The following QRSL1 variants were observed in gnomAD, a reference collection of about 807,000 sequenced individuals.
The protein encoded by QRSL1 is glutamyl-tRNA(Gln) amidotransferase subunit A, mitochondrial.
In QRSL1, 54 loss-of-function variants were observed where a neutral mutation model predicts 61.6. The ratio of observed to expected loss-of-function variants is 0.88; its 90% CI spans 0.70 to 1.10. QRSL1 has a LOEUF of 1.10. Among genes scored for constraint, QRSL1 ranks in the 50% least tolerant of loss-of-function variants. The pLI, the probability that QRSL1 is intolerant of heterozygous loss-of-function variation, is 0.00. For synonymous variants in QRSL1, 228 were observed against 225.7 expected (o/e 1.01, Z -0.09); for missense variants, 505 against 622.6 (o/e 0.81, Z 2.01).
intron 1 of QRSL1, 24 bp downstream of exon 1, chr6:106,629,729 GC>G: frequency 6.3e-7 from 1 of 1,597,730 alleles, no homozygotes; most frequent in Admixed American, 1.7e-5. Context: ...GCCCGCTGAG[GC>G]CCCCGGGAGG....
chr6:106,647,685 C>G (rs1359149507), intron 4 of QRSL1, among the ~76,000 whole-genome samples: 2 of 111,084 alleles, frequency 1.8e-5, no homozygotes, highest in Non-Finnish European at 1.7e-5. Context: ...GAGTCTCGCT[C>G]TGTCACCCAG....
At chr6:106,641,200 T>C (rs1413863907) in intron 3 of QRSL1, among the ~76,000 whole-genome samples, 1 of 152,204 alleles carries the variant, frequency 6.6e-6, no homozygotes, top group East Asian at 1.9e-4. Context: ...GGTGCATACC[T>C]GTAGTCCCAG....
rs1554202462 is a variant in QRSL1, at chr6:106,666,004, CAT to C, written c.*5_*6del. The C allele has an allele frequency of 1.2e-6, 2 of 1,611,894 alleles. No individual in the cohort carries two copies. Among genetic ancestry groups the C allele is most frequent in the African/African-American group, 2.7e-5 (2 of 74,994 alleles). The stretch of plus-strand genomic sequence containing the variant: ...GCCTCTGTCTCTCTAAAACAGTAAA[CAT>C]ATCTTACAAATTAAAATGACTTTTA... On this transcript the variant is annotated 3_prime_UTR_variant, in exon 11 of 11. Transcript: ENST00000369046.
At position 106,640,406 on chromosome 6, in the gene QRSL1, C is replaced by T. The variant is rs751267365; in HGVS notation, c.82C>T (p.Leu28Phe). The change falls in exon 2 of 11, where the codon CTC becomes TTC. Residue 28 changes from leucine (L) to phenylalanine (F), a missense_variant. Leu to Phe is a conservative substitution (Grantham distance 22). Coordinates refer to ENST00000369046, the MANE Select transcript of QRSL1 (RefSeq NM_018292.5). ...ITPTELCQKC[L>F]SLIKKTKFLN... Reference sequence around the variant, plus strand: ...ACCAACAGAGCTCTGTCAAAAATGTCTCTCTCTTATCAAGAAGACCAAGTT... The same window carrying T: ...ACCAACAGAGCTCTGTCAAAAATGTTTCTCTCTTATCAAGAAGACCAAGTT... The T allele has an allele frequency of 6.2e-7, 1 of 1,612,910 alleles. No homozygotes were observed. The highest frequency in any genetic ancestry group is 1.1e-5 in the South Asian group (1 of 91,058).
chr6:106,637,253 A>T (rs1332692035), intron 1 of QRSL1, among the ~76,000 whole-genome samples: 1 of 152,204 alleles, frequency 6.6e-6, no homozygotes, highest in Admixed American at 6.5e-5. Flanking sequence ...GATCAAACGG[A>T]TGTTAGTAAT....
chr6:106,630,636 C>T (rs1449552968), intron 1 of QRSL1, among the ~76,000 whole-genome samples: 1 of 152,174 alleles, frequency 6.6e-6, no homozygotes, highest in East Asian at 1.9e-4. Flanking sequence ...CTATGCCCCA[C>T]TCTAGACTTA....
chr6:106,655,333 A>C (rs1777250021), intron 8 of QRSL1, among the ~76,000 whole-genome samples: 1 of 152,026 alleles, frequency 6.6e-6, no homozygotes, highest in Non-Finnish European at 1.5e-5. Context: ...AACTCCCTAA[A>C]CTTTAGTATT....
At chr6:106,631,664 A>T (rs558150203) in intron 1 of QRSL1, among the ~76,000 whole-genome samples, 2 of 148,548 alleles carry the variant, frequency 1.3e-5, no homozygotes, top group East Asian at 1.9e-4. Flanking sequence ...GATTGTTTTT[A>T]AAAAAAAATT....
chr6:106,631,663 TA>T (rs56039238), intron 1 of QRSL1, among the ~76,000 whole-genome samples: 5 of 151,628 alleles, frequency 3.3e-5, no homozygotes, highest in East Asian at 1.9e-4. Flanking sequence ...TGATTGTTTT[TA>T]AAAAAAAATT....
intron 1 of QRSL1, among the ~76,000 whole-genome samples, chr6:106,638,776 C>T (rs898325527): frequency 6.6e-6 from 1 of 152,164 alleles, no homozygotes; most frequent in Admixed American, 6.5e-5. Context: ...TCTTGATGAC[C>T]TCTTCCCACT....
Position 106,665,751 on chromosome 6 carries a change from A to T in QRSL1, c.1367-31A>T. 3 of 1,577,378 alleles carry T rather than the reference A, an allele frequency of 1.9e-6. No homozygotes were observed. In the Middle Eastern group the frequency reaches 5.0e-4, roughly 264 times the overall value. The stretch of plus-strand genomic sequence containing the variant: ...TCTCTGCTAATTAGGGTGGAGAATT[A>T]ATCACCTACTGGGTTTCCTTCTTTT... On this transcript the variant is annotated intron_variant, in intron 10 of 10. Coordinates refer to ENST00000369046, the MANE Select transcript of QRSL1 (RefSeq NM_018292.5).
At chr6:106,656,742 G>C (rs755022875) in intron 9 of QRSL1, among the ~76,000 whole-genome samples, 5 of 152,158 alleles carry the variant, frequency 3.3e-5, no homozygotes, top group Non-Finnish European at 7.4e-5. Flanking sequence ...CCGCAGCCTT[G>C]ACCTCTTGAG....
chr6:106,649,537 T>C (rs1391853779), intron 5 of QRSL1, among the ~76,000 whole-genome samples: 1 of 152,230 alleles, frequency 6.6e-6, no homozygotes, highest in African/African-American at 2.4e-5. Context: ...TCACTGATTA[T>C]ACAAATATTT....
chr6:106,657,629 G>A lies in QRSL1; in HGVS notation c.1160+1897G>A, dbSNP rs1777291853. ...TCAGTGCCAAGTTGGGTCAACTTGGGTAGACAAAAGTGATAGGAAAAATGG... is the reference window on the plus strand; with the variant it reads ...TCAGTGCCAAGTTGGGTCAACTTGGATAGACAAAAGTGATAGGAAAAATGG... On this transcript the variant is annotated intron_variant, in intron 9 of 10. Transcript: ENST00000369046. 2.0e-5 allele frequency among the ~76,000 whole-genome samples: 3 copies of A among 152,128 alleles called. No homozygotes were observed. In the South Asian group the frequency reaches 6.2e-4, roughly 32 times the overall value.
chr6:106,656,038 G>A (rs1261765764), intron 9 of QRSL1, among the ~76,000 whole-genome samples: 3 of 152,070 alleles, frequency 2.0e-5, no homozygotes, highest in Non-Finnish European at 4.4e-5. Context: ...ACAATAAAAA[G>A]TAATACAAAT....
intron 9 of QRSL1, among the ~76,000 whole-genome samples, 195 bp from the exon 10 acceptor site, chr6:106,662,785 A>C (rs1420644749): frequency 1.3e-5 from 2 of 152,072 alleles, no homozygotes; most frequent in Non-Finnish European, 2.9e-5. Context: ...ATGATAGAAA[A>C]ACACTCCTCT....
At chr6:106,637,960 C>T (rs1395493614) in intron 1 of QRSL1, among the ~76,000 whole-genome samples, 1 of 152,104 alleles carries the variant, frequency 6.6e-6, no homozygotes. Context: ...AAGTGAATAT[C>T]CTAGACAATC....
rs1393111947 is a variant in QRSL1 at position 106,649,182 on chromosome 6, T to A, written c.538T>A (p.Ser180Thr). ...GSSGGSAAAV[S>T]AFTCYAALGS... ...CTCAGGTGGGAGTGCAGCTGCTGTA[T>A]CGGCGTTCACATGCTACGCGTAAGA... The change falls in exon 5 of 11, where the codon TCG (serine) becomes ACG (threonine). Residue 180 changes from serine (S) to threonine (T), a missense_variant. By Grantham distance (58) the Ser-to-Thr change is moderately conservative (BLOSUM62 1). Coordinates refer to ENST00000369046, the MANE Select transcript of QRSL1 (RefSeq NM_018292.5). The A allele has an allele frequency of 6.2e-7, 1 of 1,614,146 alleles. No individual in the cohort carries two copies. The highest frequency in any genetic ancestry group is 8.5e-7 in the Non-Finnish European group (1 of 1,180,012).
rs1777155709 is a variant in QRSL1 at position 106,649,066 on chromosome 6, C to G, written c.422C>G (p.Pro141Arg). Residue 141 changes from proline (P) to arginine (R), a missense_variant, in exon 5 of 11, where the codon CCC (proline) becomes CGC (arginine). By Grantham distance (103) the Pro-to-Arg change is moderately radical. Transcript: ENST00000369046. ...GGTGTATTTGGACCAGTTAAAAACC[C>G]CTGGAGTTATTCAAAACAATATAGA... is the stretch of plus-strand genomic sequence containing the variant. ...TDGVFGPVKN[P>R]WSYSKQYREK... is the part of the protein sequence containing the mutation. 22 of 1,613,850 alleles carry G rather than the reference C, an allele frequency of 1.4e-5. No homozygotes were observed. The highest frequency in any genetic ancestry group is 1.9e-5 in the Non-Finnish European group (22 of 1,179,958).
Sources: gnomAD v4.1 joint callset for allele counts (sites outside exome capture counted in the v4.1 genomes callset) on GRCh38, gnomAD v4.1.1 for gene constraint, MANE v1.5 for transcripts, NCBI Gene and HGNC (gene_info 2026-07-23, HGNC 2026-07-21) for gene names.